IFT88: variants seen among roughly 807,000 people sequenced by gnomAD.
IFT88 encodes intraflagellar transport 88, also known as intraflagellar transport protein 88 homolog.
A neutral mutation model predicts 119.5 loss-of-function variants in IFT88; 74 were observed. That is an observed-to-expected ratio of 0.62 (90% CI 0.51 to 0.75). IFT88 has a LOEUF of 0.75. IFT88 is among the 30% of genes least tolerant of loss of function. The pLI is 0.00. For synonymous variants in IFT88, 279 were observed against 316.7 expected, an observed-to-expected ratio of 0.88 and a Z score of 1.26; for missense variants, 961 against 977.7, an observed-to-expected ratio of 0.98 and a Z score of 0.23.
chr13:20,664,889 C>T (rs944756463), intron 23 of IFT88, among the ~76,000 whole-genome samples: 3 of 152,160 alleles, frequency 2.0e-5, no homozygotes, highest in South Asian at 2.1e-4. Flanking sequence ...ACCATCCTGG[C>T]TAACACACTG....
chr13:20,571,259 G>A (rs1035425751), intron 1 of IFT88, among the ~76,000 whole-genome samples: 3 of 152,206 alleles, frequency 2.0e-5, no homozygotes, highest in African/African-American at 7.2e-5. Flanking sequence ...CTCCCAAAGT[G>A]CTGGGATTAT....
Position 20,596,112 on chromosome 13 carries a change from T to C in IFT88, c.399-38T>C, listed in dbSNP as rs776883111. 4.5e-6 allele frequency: 3 copies of C among 669,284 alleles called. No individual in the cohort carries two copies. In the African/African-American group the frequency reaches 5.6e-5, roughly 12 times the overall value. The allele number at this position is 669,284 out of a possible 1,614,324, so 41.5% of individuals were successfully genotyped here. A position where few individuals can be genotyped will look rare whatever the true frequency, so the allele number is the denominator to read the frequency against. On this transcript the variant is annotated intron_variant, in intron 7 of 25. Coordinates refer to ENST00000351808, the MANE Select transcript of IFT88 (RefSeq NM_006531.5). ...AATTTTAGTATAGATTTTTAGAGGT[T>C]GAATGATTTAAATTGTACCTGCTTT...
intron 3 of IFT88, 86 bp from the exon 4 acceptor site, chr13:20,589,725 G>A (rs2040336274): frequency 4.9e-6 from 3 of 610,822 alleles, no homozygotes; most frequent in African/African-American, 1.8e-5. Context: ...CTTTATTTAT[G>A]AGTCTATATT....
At chr13:20,654,363 C>T (rs1476697849) in intron 21 of IFT88, among the ~76,000 whole-genome samples, 1 of 152,176 alleles carries the variant, frequency 6.6e-6, no homozygotes, top group South Asian at 2.1e-4. Flanking sequence ...TACCAAAGAT[C>T]ACTGGCTATC....
chr13:20,596,692 T>C (rs2041700571), intron 8 of IFT88, among the ~76,000 whole-genome samples: 2 of 152,246 alleles, frequency 1.3e-5, no homozygotes, highest in African/African-American at 4.8e-5. Flanking sequence ...ATCTTTACTT[T>C]TAATTTGCTT....
In IFT88 at chr13:20,643,726, A is replaced by G. The variant is rs531137825; in HGVS notation, c.1833+121A>G. 1.1e-5 allele frequency: 8 copies of G among 715,828 alleles called. No homozygotes were observed. In the Admixed American group the frequency reaches 1.8e-4, roughly 16 times the overall value. 44.3% of individuals were successfully genotyped at this position (715,828 alleles called of 1,614,324 possible). On this transcript the variant is annotated intron_variant, in intron 19 of 25. Coordinates refer to ENST00000351808, the MANE Select transcript of IFT88 (RefSeq NM_006531.5). ...AGTTTTAAAATGATTTATTTAAAAT[A>G]AAGCATTCTTGGAAAATGAAGTTAG...
Position 20,597,030 on chromosome 13 carries a change from A to G in IFT88, c.505A>G (p.Lys169Glu), listed in dbSNP as rs1230363908. Reference sequence around the variant, plus strand: ...CTGATTTCAGGCCTTAGAAAAGGCAAAAGATGCAGGAAGAAAAGAGAGAGT... The same window carrying G: ...CTGATTTCAGGCCTTAGAAAAGGCAGAAGATGCAGGAAGAAAAGAGAGAGT... Reference protein sequence around the residue: ...GDLKLALEKAKDAGRKERVLV... With the variant: ...GDLKLALEKAEDAGRKERVLV... The change falls in exon 9 of 26, where the codon AAA becomes GAA. Residue 169 changes from lysine (K) to glutamate (E), a missense_variant. Transcript: ENST00000351808. The G allele has an allele frequency of 6.2e-7, 1 of 1,602,202 alleles. No homozygotes were observed. The highest frequency in any genetic ancestry group is 1.1e-5 in the South Asian group (1 of 88,628).
intron 7 of IFT88, among the ~76,000 whole-genome samples, chr13:20,593,405 A>G (rs1383928452): frequency 1.3e-5 from 2 of 152,006 alleles, no homozygotes; most frequent in African/African-American, 2.4e-5. Context: ...GTAAATGACA[A>G]GGCTTAGATT....
chr13:20,676,737 T>C (rs1401163647), intron 24 of IFT88, among the ~76,000 whole-genome samples: 4 of 152,390 alleles, frequency 2.6e-5, no homozygotes, highest in Non-Finnish European at 5.9e-5. Flanking sequence ...CTGCTGTTAA[T>C]CAAAACATTT....
intron 2 of IFT88, among the ~76,000 whole-genome samples, chr13:20,580,793 T>C (rs2038461452): frequency 6.8e-6 from 1 of 146,986 alleles, no homozygotes; most frequent in African/African-American, 2.5e-5. Context: ...TGGCGCGACC[T>C]CTGCTCATTG....
chr13:20,670,958 T>C lies in IFT88; in HGVS notation c.2176-15T>C. On this transcript the variant is annotated splice_polypyrimidine_tract_variant and intron_variant, in intron 23 of 25. Coordinates refer to ENST00000351808, the MANE Select transcript of IFT88 (RefSeq NM_006531.5). ...TAGCACTTATTCTTTTAAACTTGTC[T>C]TCTCTTTGCTCTAGCGCATAAAGTC... The C allele has an allele frequency of 6.2e-7, 1 of 1,610,160 alleles. No individual in the cohort carries two copies. The highest frequency in any genetic ancestry group is 1.1e-5 in the South Asian group (1 of 90,300).
chr13:20,639,453 C>T (rs1264350357), intron 17 of IFT88, among the ~76,000 whole-genome samples: 4 of 152,104 alleles, frequency 2.6e-5, no homozygotes, highest in Non-Finnish European at 5.9e-5. Flanking sequence ...AATCTCCTGC[C>T]TGAAGGAGGA....
At chr13:20,681,796 C>T (rs1420660378) in intron 24 of IFT88, among the ~76,000 whole-genome samples, 2 of 152,206 alleles carry the variant, frequency 1.3e-5, no homozygotes, top group African/African-American at 4.8e-5. Flanking sequence ...TGGCAGGCAT[C>T]TCAAAAGCAG....
intron 3 of IFT88, among the ~76,000 whole-genome samples, chr13:20,584,408 G>A (rs2039269709): frequency 6.6e-6 from 1 of 151,792 alleles, no homozygotes; most frequent in African/African-American, 2.4e-5. Flanking sequence ...ATTTTTATTA[G>A]GCATCAGAAT....
intron 14 of IFT88, among the ~76,000 whole-genome samples, chr13:20,624,304 A>G (rs1484557326): frequency 1.3e-5 from 2 of 152,194 alleles, no homozygotes; most frequent in East Asian, 1.9e-4. Flanking sequence ...AAGGTGAACT[A>G]TGAGAGAAGG....
chr13:20,674,738 T>TA (rs2056440638), intron 24 of IFT88, among the ~76,000 whole-genome samples: 1 of 141,404 alleles, frequency 7.1e-6, no homozygotes, highest in Non-Finnish European at 1.5e-5. Flanking sequence ...TTTTTTTTTT[T>TA]TTTTTTTGAG....
At chr13:20,582,246 C>T (rs1181972919) in intron 2 of IFT88, among the ~76,000 whole-genome samples, 2 of 152,158 alleles carry the variant, frequency 1.3e-5, no homozygotes, top group African/African-American at 4.8e-5. Context: ...TCAGGAAACA[C>T]AGGAACCCTT....
chr13:20,582,943 C>G lies in IFT88; in HGVS notation c.91-14C>G. The stretch of plus-strand genomic sequence containing the variant: ...TACTCTGTGTTGAATGTTAAATTTG[C>G]GTTTTCATTTTAGGAATTGGAGAAT... On this transcript the variant is annotated splice_polypyrimidine_tract_variant and intron_variant, in intron 2 of 25. Coordinates refer to ENST00000351808, the MANE Select transcript of IFT88 (RefSeq NM_006531.5). The G allele has an allele frequency of 6.2e-7, 1 of 1,604,544 alleles. No individual in the cohort carries two copies. Among genetic ancestry groups the G allele is most frequent in the Non-Finnish European group, 8.5e-7 (1 of 1,172,814 alleles).
chr13:20,589,495 T>C (rs536904518), intron 3 of IFT88, among the ~76,000 whole-genome samples: 3 of 152,314 alleles, frequency 2.0e-5, no homozygotes, highest in African/African-American at 7.2e-5. Flanking sequence ...TTTGGCCTAG[T>C]GGCTAGCAGT....
Sources: allele counts gnomAD v4.1 joint callset (sites outside exome capture counted in the v4.1 genomes callset), GRCh38; gene constraint gnomAD v4.1.1; transcripts MANE v1.5; gene names NCBI Gene and HGNC (gene_info 2026-07-23, HGNC 2026-07-21).